The following RAP1GDS1 variants were observed in gnomAD, a reference collection of about 807,000 sequenced individuals.
RAP1GDS1 encodes the protein RAP1, GTP-GDP dissociation stimulator 1.
In RAP1GDS1, 35 loss-of-function variants were observed where a neutral mutation model predicts 71.1. The ratio of observed to expected loss-of-function variants is 0.49; its 90% CI spans 0.38 to 0.65. RAP1GDS1 has a LOEUF of 0.65. Among genes scored for constraint, RAP1GDS1 ranks in the 30% least tolerant of loss-of-function variants. The pLI is 0.00. For synonymous variants in RAP1GDS1, 229 were observed against 243.1 expected (o/e 0.94, Z 0.54); for missense variants, 663 against 706.1 (o/e 0.94, Z 0.69).
At chr4:98,398,367 C>T (rs924451619) in intron 6 of RAP1GDS1, among the ~76,000 whole-genome samples, 2 of 152,068 alleles carry the variant, frequency 1.3e-5, no homozygotes, top group African/African-American at 4.8e-5. Flanking sequence ...TTGCAAATAT[C>T]TGTCAAATAA....
At chr4:98,297,342 A>G (rs1376779596) in intron 2 of RAP1GDS1, among the ~76,000 whole-genome samples, 2 of 152,116 alleles carry the variant, frequency 1.3e-5, no homozygotes, top group Non-Finnish European at 2.9e-5. Flanking sequence ...GGCAAACTTC[A>G]TTTTATTGTG....
intron 4 of RAP1GDS1, among the ~76,000 whole-genome samples, chr4:98,356,610 G>T (rs1327855799): frequency 3.3e-5 from 5 of 151,960 alleles, no homozygotes; most frequent in African/African-American, 4.8e-5. Flanking sequence ...GAAGAATAAT[G>T]TACAAATCAA....
intron 2 of RAP1GDS1, among the ~76,000 whole-genome samples, chr4:98,329,493 A>C (rs1560846853): frequency 6.6e-6 from 1 of 152,230 alleles, no homozygotes; most frequent in Non-Finnish European, 1.5e-5. Flanking sequence ...ACCTGCATTT[A>C]AAAGGACCCA....
chr4:98,411,470 T>A (rs1023930424), intron 7 of RAP1GDS1, among the ~76,000 whole-genome samples: 2 of 152,164 alleles, frequency 1.3e-5, no homozygotes, highest in Non-Finnish European at 2.9e-5. Context: ...TTAATTAAAA[T>A]TTTAAAACTA....
chr4:98,378,941 T>C, intron 4 of RAP1GDS1, 76 bp from the exon 5 acceptor site: 3 of 1,291,678 alleles, frequency 2.3e-6, no homozygotes, highest in Non-Finnish European at 3.2e-6. Flanking sequence ...AGAATAACAC[T>C]GTTATGTTTT....
rs370040183 is a variant in RAP1GDS1 at position 98,413,531 on chromosome 4, A to C, written c.764-3214A>C. Among the ~76,000 whole-genome samples, 627 of 152,148 alleles carry C rather than the reference A, an allele frequency of 4.1e-3. 7 individuals carry two copies. The highest frequency in any genetic ancestry group is 0.014 in the African/African-American group (564 of 41,474). On this transcript the variant is annotated intron_variant, in intron 7 of 14. Transcript: ENST00000408927. ...GATGATTTCCAATTTCATCCATGTC[A>C]CTACAAAGGACATGAACTCATCATT... is the stretch of plus-strand genomic sequence containing the variant.
At chr4:98,296,878 A>G (rs770931565) in intron 2 of RAP1GDS1, 10 of 381,902 alleles carry the variant, frequency 2.6e-5, no homozygotes, top group Middle Eastern at 3.6e-4. Context: ...TTAACATTCT[A>G]TTTGTAATAA....
At chr4:98,329,212 TAAG>T (rs1335875926) in intron 2 of RAP1GDS1, among the ~76,000 whole-genome samples, 2 of 152,182 alleles carry the variant, frequency 1.3e-5, no homozygotes, top group Non-Finnish European at 2.9e-5. Flanking sequence ...GGCAGTCAAA[TAAG>T]GAGAAAATGC....
chr4:98,411,229 C>A (rs1370352054), intron 7 of RAP1GDS1, among the ~76,000 whole-genome samples: 1 of 152,142 alleles, frequency 6.6e-6, no homozygotes, highest in African/African-American at 2.4e-5. Context: ...TCTTGCTAAT[C>A]CTAATTAAGG....
rs61537932 is a variant in RAP1GDS1 at position 98,360,593 on chromosome 4, G to A, written c.361+7992G>A. Among the ~76,000 whole-genome samples the A allele has an allele frequency of 4.9e-3, 752 of 152,150 alleles. 7 individuals carry two copies. The highest frequency in any genetic ancestry group is 0.018 in the South Asian group (86 of 4,824). On this transcript the variant is annotated intron_variant, in intron 4 of 14. Coordinates refer to ENST00000408927, the MANE Select transcript of RAP1GDS1 (RefSeq NM_001100427.2). Reference sequence around the variant, plus strand: ...TTTCCAGTCTGCTTATTGAAACCCTGTCAACACATATTATCCTCTGCTCTT... The same window carrying A: ...TTTCCAGTCTGCTTATTGAAACCCTATCAACACATATTATCCTCTGCTCTT...
At chr4:98,405,889 T>G (rs902490957) in intron 7 of RAP1GDS1, among the ~76,000 whole-genome samples, 3 of 151,992 alleles carry the variant, frequency 2.0e-5, no homozygotes, top group African/African-American at 7.2e-5. Context: ...AAATAACTTA[T>G]TGTGAAGTTT....
intron 4 of RAP1GDS1, among the ~76,000 whole-genome samples, chr4:98,362,167 A>G (rs1231426495): frequency 1.3e-5 from 2 of 152,216 alleles, no homozygotes; most frequent in Non-Finnish European, 1.5e-5. Context: ...TCATAAATAC[A>G]TTTTAACTTT....
At chr4:98,279,925 A>G (rs910850123) in intron 1 of RAP1GDS1, among the ~76,000 whole-genome samples, 1 of 152,236 alleles carries the variant, frequency 6.6e-6, no homozygotes, top group Non-Finnish European at 1.5e-5. Flanking sequence ...ATATCCCTGC[A>G]AAGGGCATGA....
At chr4:98,422,024 C>T (rs960119664) in intron 12 of RAP1GDS1, among the ~76,000 whole-genome samples, 6 of 151,568 alleles carry the variant, frequency 4.0e-5, no homozygotes, top group African/African-American at 1.2e-4. Flanking sequence ...AGTGAAACCC[C>T]GGGTCTACTA....
chr4:98,430,674 A>G (rs1410557597), intron 12 of RAP1GDS1, among the ~76,000 whole-genome samples: 1 of 152,214 alleles, frequency 6.6e-6, no homozygotes, highest in Admixed American at 6.5e-5. Context: ...TGCAGGTGGC[A>G]TCTGTTATTA....
At chr4:98,312,897 G>T (rs1015873456) in intron 2 of RAP1GDS1, among the ~76,000 whole-genome samples, 2 of 151,356 alleles carry the variant, frequency 1.3e-5, no homozygotes, top group Non-Finnish European at 3.0e-5. Flanking sequence ...GGGAAACCCC[G>T]TCTCTAGTAA....
At position 98,442,719 on chromosome 4, in the gene RAP1GDS1, G is replaced by T. The variant is rs1303008712; in HGVS notation, c.*602G>T. The T allele has an allele frequency of 1.8e-5, 4 of 227,656 alleles. No homozygotes were observed. The highest frequency in any genetic ancestry group is 8.7e-6 in the Non-Finnish European group (1 of 114,466). The allele number at this position is 227,656 out of a possible 1,614,324, so 14.1% of individuals were successfully genotyped here. A position where few individuals can be genotyped will look rare whatever the true frequency, so the allele number is the denominator to read the frequency against. On this transcript the variant is annotated 3_prime_UTR_variant, in exon 15 of 15. Coordinates refer to ENST00000408927, the MANE Select transcript of RAP1GDS1 (RefSeq NM_001100427.2). ...GACTATTGAAACTGCCACAAACTTG[G>T]CAAGACTTTCTGAGGTTTCTGATTC...
chr4:98,441,231 A>G (rs1751821437), intron 14 of RAP1GDS1: 1 of 597,332 alleles, frequency 1.7e-6, no homozygotes. Context: ...TTTCAGTAGT[A>G]CTGATTACAT....
At chr4:98,352,426 G>A (rs778583271) in intron 3 of RAP1GDS1, 50 bp from the exon 4 acceptor site, 3 of 1,583,948 alleles carry the variant, frequency 1.9e-6, no homozygotes, top group Non-Finnish European at 2.6e-6. Flanking sequence ...GATGATTTAT[G>A]TAAATTGTGA....
Sources: gnomAD v4.1 joint callset for allele counts (sites outside exome capture counted in the v4.1 genomes callset) on GRCh38, gnomAD v4.1.1 for gene constraint, MANE v1.5 for transcripts, NCBI Gene and HGNC (gene_info 2026-07-23, HGNC 2026-07-21) for gene names.